Variants in PTPRR observed in about 807,000 individuals in gnomAD.
PTPRR encodes the protein receptor-type tyrosine-protein phosphatase R.
PTPRR carries 38 observed loss-of-function variants against 77.2 expected under a neutral mutation model. That is an observed-to-expected ratio of 0.49 (90% CI 0.38 to 0.65). PTPRR has a LOEUF of 0.65. Ranked by LOEUF, PTPRR falls within the 30% of genes least tolerant of loss-of-function variation. The pLI is 0.00. For missense variants in PTPRR, 744 were observed against 799.2 expected, an observed-to-expected ratio of 0.93 and a Z score of 0.83; for synonymous variants, 299 against 283.1, an observed-to-expected ratio of 1.06 and a Z score of -0.57.
At chr12:70,914,588 G>T (rs938884552) in intron 1 of PTPRR, among the ~76,000 whole-genome samples, 1 of 152,174 alleles carries the variant, frequency 6.6e-6, no homozygotes, top group Admixed American at 6.5e-5. Context: ...AAGAATCCTG[G>T]TGTTATTCAC....
intron 10 of PTPRR, among the ~76,000 whole-genome samples, chr12:70,667,379 G>T (rs543263794): frequency 6.6e-6 from 1 of 152,182 alleles, no homozygotes; most frequent in African/African-American, 2.4e-5. Flanking sequence ...ATATATGCAT[G>T]CCTGGAAGGA....
intron 8 of PTPRR, among the ~76,000 whole-genome samples, chr12:70,697,488 A>G (rs1454570388): frequency 6.6e-6 from 1 of 152,100 alleles, no homozygotes; most frequent in Non-Finnish European, 1.5e-5. Context: ...ATTTGCAAAT[A>G]TTTATTTTCT....
At chr12:70,791,571 T>C (rs1309106877) in intron 2 of PTPRR, among the ~76,000 whole-genome samples, 1 of 152,230 alleles carries the variant, frequency 6.6e-6, no homozygotes, top group Non-Finnish European at 1.5e-5. Flanking sequence ...AAAGCAAGGA[T>C]TTTGACTGTT....
intron 6 of PTPRR, among the ~76,000 whole-genome samples, chr12:70,742,630 T>A (rs1233180862): frequency 6.6e-6 from 1 of 152,130 alleles, no homozygotes; most frequent in Non-Finnish European, 1.5e-5. Flanking sequence ...AGGAATTTTA[T>A]AAAGAGAAAA....
At chr12:70,871,716 G>A (rs1026751917) in intron 2 of PTPRR, among the ~76,000 whole-genome samples, 7 of 152,114 alleles carry the variant, frequency 4.6e-5, no homozygotes, top group African/African-American at 7.2e-5. Context: ...AATATATATG[G>A]TTATTATTTG....
chr12:70,877,062 T>C (rs1040689784), intron 2 of PTPRR, among the ~76,000 whole-genome samples: 4 of 152,276 alleles, frequency 2.6e-5, no homozygotes, highest in South Asian at 2.1e-4. Context: ...TCAAAACTAG[T>C]AAGCAGCCAG....
At chr12:70,651,085 GCT>G (rs2136654007) in intron 13 of PTPRR, among the ~76,000 whole-genome samples, 1 of 152,304 alleles carries the variant, frequency 6.6e-6, no homozygotes, top group East Asian at 1.9e-4. Context: ...GTGCTCTTCA[GCT>G]CTGTCTTAGT....
chr12:70,765,652 A>G (rs964246995), intron 2 of PTPRR, among the ~76,000 whole-genome samples: 2 of 152,170 alleles, frequency 1.3e-5, no homozygotes, highest in African/African-American at 4.8e-5. Context: ...AGCTTTGAAG[A>G]GAGCAGTGGT....
At chr12:70,677,604 A>C (rs1411865644) in intron 10 of PTPRR, among the ~76,000 whole-genome samples, 1 of 152,104 alleles carries the variant, frequency 6.6e-6, no homozygotes, top group African/African-American at 2.4e-5. Context: ...ATTTGTTGAC[A>C]GTTCTTATCA....
rs752684866 is a variant in PTPRR at position 70,750,905 on chromosome 12, C to T, written c.738+3286G>A. Among the ~76,000 whole-genome samples, 6 of 139,150 alleles carry T rather than the reference C, an allele frequency of 4.3e-5. 1 individual carries two copies. In the South Asian group the frequency reaches 1.5e-3, roughly 35 times the overall value. 91.3% of individuals were successfully genotyped at this position (139,150 alleles called of 152,430 possible). A position where few individuals can be genotyped will look rare whatever the true frequency, so the allele number is the denominator to read the frequency against. On this transcript the variant is annotated intron_variant, in intron 5 of 13. Transcript: ENST00000283228. ...CATCAGCCTGGATGATTTTTTAAACCCTTTTTTTTTTTTTTGTAAAGACAG... is the reference window on the plus strand; with the variant it reads ...CATCAGCCTGGATGATTTTTTAAACTCTTTTTTTTTTTTTTGTAAAGACAG...
intron 6 of PTPRR, among the ~76,000 whole-genome samples, chr12:70,728,154 G>GTA (rs1339736990): frequency 1.3e-5 from 2 of 149,450 alleles, no homozygotes; most frequent in Non-Finnish European, 3.0e-5. Flanking sequence ...GAGTATCCCT[G>GTA]TATCCCTTAT....
intron 2 of PTPRR, among the ~76,000 whole-genome samples, chr12:70,807,188 C>A (rs1322442452): frequency 5.3e-5 from 8 of 152,276 alleles, no homozygotes; most frequent in Admixed American, 2.6e-4. Flanking sequence ...CCAGAAGGCA[C>A]ATGCAAAGGA....
chr12:70,640,878 G>A (rs1885972843), intron 13 of PTPRR, among the ~76,000 whole-genome samples: 1 of 152,168 alleles, frequency 6.6e-6, no homozygotes, highest in African/African-American at 2.4e-5. Context: ...TCAAAATGAT[G>A]TAATTGGCAA....
chr12:70,658,161 C>G (rs760234328), intron 12 of PTPRR, among the ~76,000 whole-genome samples: 2 of 152,184 alleles, frequency 1.3e-5, no homozygotes, highest in Non-Finnish European at 2.9e-5. Context: ...TTTTCACTTA[C>G]GTCAATTGTT....
At chr12:70,666,083 C>A (rs1055058563) in intron 10 of PTPRR, among the ~76,000 whole-genome samples, 18 of 152,134 alleles carry the variant, frequency 1.2e-4, no homozygotes, top group Admixed American at 1.2e-3. Flanking sequence ...TATCATTTAG[C>A]CCCTTCCACA....
intron 2 of PTPRR, among the ~76,000 whole-genome samples, chr12:70,838,436 G>A (rs1388755892): frequency 6.6e-6 from 1 of 152,136 alleles, no homozygotes; most frequent in African/African-American, 2.4e-5. Flanking sequence ...CTTTCCTAAT[G>A]CATCTTGACA....
intron 6 of PTPRR, among the ~76,000 whole-genome samples, chr12:70,727,702 A>G (rs190258420): frequency 2.0e-4 from 30 of 152,324 alleles, no homozygotes; most frequent in Middle Eastern, 3.4e-3. Flanking sequence ...CACTGCACCA[A>G]TAGAGGACTC....
intron 13 of PTPRR, among the ~76,000 whole-genome samples, chr12:70,650,607 G>T (rs1037033334): frequency 6.6e-6 from 1 of 152,016 alleles, no homozygotes; most frequent in African/African-American, 2.4e-5. Flanking sequence ...AACTGGGAAA[G>T]CTGGTTAAGA....
intron 8 of PTPRR, among the ~76,000 whole-genome samples, chr12:70,686,399 G>A (rs1425048506): frequency 6.6e-6 from 1 of 152,114 alleles, no homozygotes; most frequent in Non-Finnish European, 1.5e-5. Flanking sequence ...GATAATAAAG[G>A]CCATAATTAG....
Sources: gnomAD v4.1 joint callset for allele counts (sites outside exome capture counted in the v4.1 genomes callset) on GRCh38, gnomAD v4.1.1 for gene constraint, MANE v1.5 for transcripts, NCBI Gene and HGNC (gene_info 2026-07-23, HGNC 2026-07-21) for gene names.